PPP2R2D: variants seen among roughly 807,000 people sequenced by gnomAD.
PPP2R2D encodes serine/threonine-protein phosphatase 2A 55 kDa regulatory subunit B delta isoform.
Under a neutral mutation model 31.1 loss-of-function variants are expected in PPP2R2D, and 9 were observed. That is an observed-to-expected ratio of 0.29 (90% CI 0.17 to 0.51). PPP2R2D has a LOEUF of 0.51. PPP2R2D is among the 20% of genes least tolerant of loss of function. The probability of loss-of-function intolerance (pLI) is 0.98; values close to 1 mark genes in which losing one functional copy is unlikely to be tolerated. For synonymous variants in PPP2R2D, 179 were observed against 172.6 expected (o/e 1.04, Z -0.29); for missense variants, 391 against 465.6 (o/e 0.84, Z 1.48).
At chr10:131,960,668 G>A (rs1338181069), downstream of PPP2R2D, among the ~76,000 whole-genome samples, 1 of 152,180 alleles carries the variant, frequency 6.6e-6, no homozygotes, top group Non-Finnish European at 1.5e-5. Context: ...CGCCTGGCCC[G>A]GCTGCTCTGC....
intron 2 of PPP2R2D, among the ~76,000 whole-genome samples, chr10:131,902,306 C>G (rs1009784874): frequency 6.6e-6 from 1 of 152,208 alleles, no homozygotes; most frequent in Non-Finnish European, 1.5e-5. Context: ...TTCCCTGCCT[C>G]AAGTTACTAA....
At chr10:131,949,754 A>G (rs1392746837) in intron 8 of PPP2R2D, among the ~76,000 whole-genome samples, 1 of 150,756 alleles carries the variant, frequency 6.6e-6, no homozygotes, top group Non-Finnish European at 1.5e-5. Context: ...ACCGCCAAAC[A>G]TGACGTGGAG....
chr10:131,971,178 G>T, the PPP2R2D span: 30,339 of 572,994 alleles, frequency 0.053, 1,299 homozygotes, highest in African/African-American at 0.16. Flanking sequence ...CACGCTCGCC[G>T]CCTCCAGGGA....
rs1406879805 is a variant in PPP2R2D at position 131,904,215 on chromosome 10, A to AAG, written c.100+2886_100+2887insGA. ...CGAGACTCCGTCTCAAAAAAAAAAA[A>AAG]AAAAGGAGAGAGATGGCCGGGCGCA... On this transcript the variant is annotated intron_variant, in intron 2 of 8. Transcript: ENST00000455566. Among the ~76,000 whole-genome samples the AAG allele has an allele frequency of 2.9e-5, 4 of 137,828 alleles. No homozygotes were observed. In the East Asian group the frequency reaches 6.6e-4, roughly 23 times the overall value. The allele number at this position is 137,828 out of a possible 152,430, so 90.4% of individuals were successfully genotyped here. A position where few individuals can be genotyped will look rare whatever the true frequency, so the allele number is the denominator to read the frequency against.
chr10:131,956,399 G>T lies in PPP2R2D; in HGVS notation c.*436G>T. On this transcript the variant is annotated 3_prime_UTR_variant, in exon 9 of 9. Transcript: ENST00000455566. ...TGTGGCCACCGTCCGTGTCCTCTCG[G>T]CCTTCCTCCGAGTCCAGGTGGACTC... 1 of 986,020 alleles carries T rather than the reference G, an allele frequency of 1.0e-6. No homozygotes were observed. Among genetic ancestry groups the T allele is most frequent in the Non-Finnish European group, 1.2e-6 (1 of 830,422 alleles). 61.1% of individuals were successfully genotyped at this position (986,020 alleles called of 1,614,324 possible).
At chr10:131,951,143 C>T (rs1227630491) in intron 8 of PPP2R2D, among the ~76,000 whole-genome samples, 1 of 152,182 alleles carries the variant, frequency 6.6e-6, no homozygotes. Context: ...GCCAGAGGGA[C>T]GTCCTTTCAT....
the PPP2R2D span, chr10:131,967,344 C>G: frequency 2.0e-5 from 3 of 152,186 alleles, no homozygotes; most frequent in African/African-American, 4.8e-5. Flanking sequence ...CATATTTGCT[C>G]TAAAACAAAA....
intron 2 of PPP2R2D, among the ~76,000 whole-genome samples, chr10:131,922,780 A>G (rs1438024087): frequency 2.0e-5 from 3 of 152,160 alleles, no homozygotes; most frequent in Admixed American, 6.5e-5. Flanking sequence ...AAAAAATTGG[A>G]AAGTAGCCAA....
downstream of PPP2R2D, among the ~76,000 whole-genome samples, chr10:131,962,257 T>C (rs1203302414): frequency 6.6e-6 from 1 of 152,198 alleles, no homozygotes; most frequent in Non-Finnish European, 1.5e-5. Flanking sequence ...AAACCGCGTT[T>C]CGTGAAGTCA....
chr10:131,905,351 T>G (rs1267185546), intron 2 of PPP2R2D, among the ~76,000 whole-genome samples: 1 of 152,226 alleles, frequency 6.6e-6, no homozygotes, highest in African/African-American at 2.4e-5. Flanking sequence ...TTAACTGTTG[T>G]GCAGATTTTT....
chr10:131,963,237 G>C (rs188295586), downstream of PPP2R2D, among the ~76,000 whole-genome samples: 1 of 152,318 alleles, frequency 6.6e-6, no homozygotes, highest in African/African-American at 2.4e-5. Flanking sequence ...ATGATTCCAA[G>C]AACTTTCAGG....
At chr10:131,916,770 G>GTGTT (rs373782263) in intron 2 of PPP2R2D, among the ~76,000 whole-genome samples, 509 of 87,862 alleles carry the variant, frequency 5.8e-3, no homozygotes, top group South Asian at 0.019. Context: ...GAATGACACA[G>GTGTT]TGTAGGGACC....
At chr10:131,940,488 AG>A in intron 4 of PPP2R2D, 93 bp from the exon 5 acceptor site, 2 of 653,800 alleles carry the variant, frequency 3.1e-6, no homozygotes, top group Non-Finnish European at 5.5e-6. Context: ...AACCCAATAT[AG>A]GACCACACCG....
At position 131,908,904 on chromosome 10, in the gene PPP2R2D, T is replaced by C. The variant is rs1589921422; in HGVS notation, c.100+7574T>C. Among the ~76,000 whole-genome samples the C allele has an allele frequency of 5.3e-5, 8 of 152,300 alleles. No individual in the cohort carries two copies. In the East Asian group the frequency reaches 1.5e-3, roughly 29 times the overall value. ...CACATCTGAAAAGTTCACGACAGCA[T>C]ACCAAAGGGCTGCTAGTGCTGGCTG... On this transcript the variant is annotated intron_variant, in intron 2 of 8. Coordinates refer to ENST00000455566, the MANE Select transcript of PPP2R2D (RefSeq NM_018461.5).
intron 8 of PPP2R2D, among the ~76,000 whole-genome samples, chr10:131,952,756 C>CA (rs2036694101): frequency 4.4e-5 from 2 of 45,682 alleles, no homozygotes; most frequent in African/African-American, 2.1e-4. Context: ...TGCGGGTGTG[C>CA]GGGGGGTTCA....
At chr10:131,926,285 A>G (rs1554894923) in intron 2 of PPP2R2D, among the ~76,000 whole-genome samples, 1 of 152,122 alleles carries the variant, frequency 6.6e-6, no homozygotes, top group Admixed American at 6.5e-5. Context: ...CTGGTTTTTG[A>G]ACAGAATGGA....
chr10:131,936,128 A>G (rs2036334940), intron 3 of PPP2R2D, among the ~76,000 whole-genome samples: 1 of 151,932 alleles, frequency 6.6e-6, no homozygotes, highest in East Asian at 1.9e-4. Flanking sequence ...GTGGTGTTTA[A>G]ATGTTACTTT....
intron 2 of PPP2R2D, among the ~76,000 whole-genome samples, chr10:131,932,895 G>A (rs1045107085): frequency 2.0e-5 from 3 of 152,086 alleles, no homozygotes; most frequent in Non-Finnish European, 2.9e-5. Context: ...TCCCAGCACC[G>A]ACAGTTACAG....
the PPP2R2D span, chr10:131,970,860 T>G: frequency 1.1e-5 from 17 of 1,614,222 alleles, no homozygotes; most frequent in Non-Finnish European, 1.4e-5. This position sits in a 1 kb window ranked among gnomAD's most constrained non-coding sequence, Gnocchi z 4.1. Context: ...GAGAACACAC[T>G]CACTTGGGGG....
Sources: allele counts gnomAD v4.1 joint callset (sites outside exome capture counted in the v4.1 genomes callset), GRCh38; gene constraint gnomAD v4.1.1; non-coding constraint Gnocchi (gnomAD v3.1); transcripts MANE v1.5; gene names NCBI Gene and HGNC (gene_info 2026-07-23, HGNC 2026-07-21).